DNMT3A: variants seen among roughly 807,000 people sequenced by gnomAD.
The protein encoded by DNMT3A is DNA methyltransferase 3 alpha.
A neutral mutation model predicts 117.6 loss-of-function variants in DNMT3A; 267 were observed. That is an observed-to-expected ratio of 2.27 (90% CI 2.05 to 2.51). DNMT3A has a LOEUF of 2.51. DNMT3A is among the 30% of genes most tolerant of loss of function. The pLI is 0.00. For synonymous variants in DNMT3A, 432 were observed against 474.8 expected (o/e 0.91, Z 1.17); for missense variants, 1,029 against 1,260.2 (o/e 0.82, Z 2.78).
intron 1 of DNMT3A, among the ~76,000 whole-genome samples, chr2:25,325,685 C>G (rs1201334933): frequency 1.3e-5 from 2 of 152,154 alleles, no homozygotes. Context: ...CCTTACGCCA[C>G]TGAACTGACA....
At chr2:25,323,968 A>G (rs1257477784) in intron 1 of DNMT3A, among the ~76,000 whole-genome samples, 1 of 152,212 alleles carries the variant, frequency 6.6e-6, no homozygotes, top group Non-Finnish European at 1.5e-5. Context: ...CACCCCACTC[A>G]GAAGCTCACA....
chr2:25,252,247 C>A lies in DNMT3A; in HGVS notation c.640-3995G>T. 6.6e-7 allele frequency: 1 copy of A among 1,508,222 alleles called. No homozygotes were observed. The highest frequency in any genetic ancestry group is 8.9e-7 in the Non-Finnish European group (1 of 1,126,762). The allele number at this position is 1,508,222 out of a possible 1,614,324, so 93.4% of individuals were successfully genotyped here. On this transcript the variant is annotated intron_variant, in intron 6 of 22. Transcript: ENST00000321117. This position sits in a 1 kb window ranked among gnomAD's most constrained non-coding sequence, Gnocchi z 5.5. ...GTCGCGCTCAGGTGTGAGCCGCGGC[C>A]CTGAAGCTCTGGAAGTAGCTGCCCG...
Position 25,282,469 on chromosome 2 carries a change from C to A in DNMT3A, c.420G>T (p.Lys140Asn), listed in dbSNP as rs752311614. ...CTTCTGCAGGGGCTCCTCGGCCCTC[C>A]TTGGGGGTGCAGCAGCCATTTTCCA... ...RAVENGCCTP[K>N]EGRGAPAEAG... Residue 140 changes from lysine (K) to asparagine (N), a missense_variant, in exon 4 of 23, where the codon AAG (lysine) becomes AAT (asparagine). Lys to Asn is a moderately conservative substitution (Grantham distance 94, BLOSUM62 0). Coordinates refer to ENST00000321117, the MANE Select transcript of DNMT3A (RefSeq NM_022552.5). This position sits in a 1 kb window ranked among gnomAD's most constrained non-coding sequence, Gnocchi z 5.2. 6.2e-7 allele frequency: 1 copy of A among 1,612,984 alleles called. No individual in the cohort carries two copies. The highest frequency in any genetic ancestry group is 8.5e-7 in the Non-Finnish European group (1 of 1,179,820).
At chr2:25,264,971 C>A (rs570971296) in intron 6 of DNMT3A, among the ~76,000 whole-genome samples, 1 of 152,142 alleles carries the variant, frequency 6.6e-6, no homozygotes, top group Non-Finnish European at 1.5e-5. Context: ...CTATTTCTGT[C>A]GCATTATAAA....
At chr2:25,244,134 C>T (rs778494497) in intron 15 of DNMT3A, 21 bp downstream of exon 15, 76 of 1,613,752 alleles carry the variant, frequency 4.7e-5, no homozygotes, top group Non-Finnish European at 5.7e-5. Context: ...CTCGAGACCG[C>T]GCCCCAGGCC....
At chr2:25,279,900 C>T (rs754209) in intron 4 of DNMT3A, among the ~76,000 whole-genome samples, 61,284 of 151,762 alleles carry the variant, frequency 0.4, 12,914 homozygotes, top group African/African-American at 0.52. Flanking sequence ...TGTGTTGGCC[C>T]GGCTGGTCTC....
chr2:25,280,983 A>T (rs2031850108), intron 4 of DNMT3A, among the ~76,000 whole-genome samples: 1 of 152,182 alleles, frequency 6.6e-6, no homozygotes, highest in South Asian at 2.1e-4. Context: ...AACTGCAGTC[A>T]GCCCATGGGA....
chr2:25,333,624 C>T (rs2035096641), intron 1 of DNMT3A, among the ~76,000 whole-genome samples: 1 of 152,224 alleles, frequency 6.6e-6, no homozygotes, highest in Admixed American at 6.5e-5. Context: ...AGCCACTGCA[C>T]CTGGCCACTT....
chr2:25,317,608 C>T (rs1346104570), intron 1 of DNMT3A, among the ~76,000 whole-genome samples: 1 of 152,216 alleles, frequency 6.6e-6, no homozygotes, highest in Non-Finnish European at 1.5e-5. Context: ...AATTCCTAGA[C>T]CCTCTTCTAC....
intron 3 of DNMT3A, among the ~76,000 whole-genome samples, chr2:25,284,786 C>T (rs2032175536): frequency 6.6e-6 from 1 of 151,488 alleles, no homozygotes; most frequent in South Asian, 2.1e-4. Flanking sequence ...CAGTGAGCAT[C>T]CTTTCCAGAT....
At chr2:25,283,289 G>A (rs1043622208) in intron 3 of DNMT3A, among the ~76,000 whole-genome samples, 1 of 151,098 alleles carries the variant, frequency 6.6e-6, no homozygotes, top group Non-Finnish European at 1.5e-5. Context: ...TTGAACCTGG[G>A]AGGCAGAGTT....
chr2:25,326,592 G>A (rs1462344030), intron 1 of DNMT3A, among the ~76,000 whole-genome samples: 2 of 152,208 alleles, frequency 1.3e-5, no homozygotes, highest in Non-Finnish European at 2.9e-5. Context: ...ATTGAAGGAG[G>A]AGGTGGGTTT....
intron 1 of DNMT3A, among the ~76,000 whole-genome samples, chr2:25,325,765 T>C (rs2034762463): frequency 6.6e-6 from 1 of 152,232 alleles, no homozygotes; most frequent in Non-Finnish European, 1.5e-5. Flanking sequence ...ACTGGATTGC[T>C]GATCAGCCAC....
At position 25,281,939 on chromosome 2, in the gene DNMT3A, G is replaced by A. The variant is rs1301750776; in HGVS notation, c.448+502C>T. 9.2e-7 allele frequency: 1 copy of A among 1,081,258 alleles called. No individual in the cohort carries two copies. Among genetic ancestry groups the A allele is most frequent in the East Asian group, 4.9e-5 (1 of 20,396 alleles). The allele number at this position is 1,081,258 out of a possible 1,614,324, so 67.0% of individuals were successfully genotyped here. ...GGCTCAGGACCTCTGCACTCAGGGA[G>A]GCAAACAGGGTATCTGCTGCCCTTG... On this transcript the variant is annotated intron_variant, in intron 4 of 22. Coordinates refer to ENST00000321117, the MANE Select transcript of DNMT3A (RefSeq NM_022552.5). The surrounding 1 kb of genome is among the most constrained non-coding windows in gnomAD (Gnocchi z 4.8).
At chr2:25,299,256 C>T (rs1450382939) in intron 3 of DNMT3A, among the ~76,000 whole-genome samples, 4 of 152,164 alleles carry the variant, frequency 2.6e-5, no homozygotes, top group African/African-American at 7.2e-5. Context: ...CAGGCCTCAG[C>T]GGCACTGGTT....
Position 25,341,840 on chromosome 2 carries a change from G to A in DNMT3A, c.-192C>T, listed in dbSNP as rs1294355369. 1 of 980,294 alleles carries A rather than the reference G, an allele frequency of 1.0e-6. No homozygotes were observed. The highest frequency in any genetic ancestry group is 1.2e-6 in the Non-Finnish European group (1 of 827,820). The allele number at this position is 980,294 out of a possible 1,614,324, so 60.7% of individuals were successfully genotyped here. A position where few individuals can be genotyped will look rare whatever the true frequency, so the allele number is the denominator to read the frequency against. On this transcript the variant is annotated 5_prime_UTR_variant, in exon 1 of 23. Coordinates refer to ENST00000321117, the MANE Select transcript of DNMT3A (RefSeq NM_022552.5). ...GCGCTCATTACCGTATGGCCGGTGGGGTCGGGCCGGCCCGGCTGCGCGCCC... is the reference window on the plus strand; with the variant it reads ...GCGCTCATTACCGTATGGCCGGTGGAGTCGGGCCGGCCCGGCTGCGCGCCC...
At chr2:25,276,200 T>C (rs2031393768) in intron 4 of DNMT3A, among the ~76,000 whole-genome samples, 1 of 152,100 alleles carries the variant, frequency 6.6e-6, no homozygotes, top group African/African-American at 2.4e-5. Context: ...CTATTACTAA[T>C]CTCATTCTCC....
chr2:25,270,938 C>T lies in DNMT3A; in HGVS notation c.639+4003G>A, dbSNP rs1022608954. ...ACTCGGGAGGCTGAGGCAGGAGAAT[C>T]GCTTGAACCTGGGAGATGGAGGTTG... On this transcript the variant is annotated intron_variant, in intron 6 of 22. Coordinates refer to ENST00000321117, the MANE Select transcript of DNMT3A (RefSeq NM_022552.5). Among the ~76,000 whole-genome samples the T allele has an allele frequency of 1.3e-4, 20 of 152,114 alleles. 1 individual carries two copies. Among genetic ancestry groups the T allele is most frequent in the African/African-American group, 4.3e-4 (18 of 41,488 alleles).
At position 25,230,830 on chromosome 2, in the gene DNMT3A, T is replaced by G. The variant is rs2149246094; in HGVS notation, c.*3449A>C. ...GGGCCATGACCCCTGGGGCATCTGG[T>G]CCATTCTAGGGCCTGGTCAAGTGGC... On this transcript the variant is annotated 3_prime_UTR_variant, in exon 23 of 23. Transcript: ENST00000321117. 8.2e-6 allele frequency: 1 copy of G among 121,400 alleles called. No homozygotes were observed. Among genetic ancestry groups the G allele is most frequent in the South Asian group, 2.9e-4 (1 of 3,494 alleles). The allele number at this position is 121,400 out of a possible 1,614,324, so 7.5% of individuals were successfully genotyped here.
Sources: allele counts gnomAD v4.1 joint callset (sites outside exome capture counted in the v4.1 genomes callset), GRCh38; gene constraint gnomAD v4.1.1; non-coding constraint Gnocchi (gnomAD v3.1); transcripts MANE v1.5; gene names NCBI Gene and HGNC (gene_info 2026-07-23, HGNC 2026-07-21).